ARHGAP42: variants seen among roughly 807,000 people sequenced by gnomAD.
ARHGAP42 encodes the protein rho GTPase-activating protein 42.
Under a neutral mutation model 125.0 loss-of-function variants are expected in ARHGAP42, and 63 were observed. That is an observed-to-expected ratio of 0.50 (90% CI 0.41 to 0.62). ARHGAP42 has a LOEUF of 0.62. Ranked by LOEUF, ARHGAP42 falls within the 20% of genes least tolerant of loss-of-function variation. The probability of loss-of-function intolerance (pLI) is 0.00; values close to 1 mark genes in which losing one functional copy is unlikely to be tolerated. For synonymous variants in ARHGAP42, 339 were observed against 351.0 expected (o/e 0.97, Z 0.38); for missense variants, 766 against 1,024.2 (o/e 0.75, Z 3.44).
intron 4 of ARHGAP42, among the ~76,000 whole-genome samples, chr11:100,872,082 C>T (rs1226042666): frequency 2.0e-5 from 3 of 152,180 alleles, no homozygotes; most frequent in African/African-American, 4.8e-5. Flanking sequence ...TCCTATTTAC[C>T]TAACTCTTGT....
intron 3 of ARHGAP42, among the ~76,000 whole-genome samples, chr11:100,805,199 G>A (rs989353965): frequency 3.9e-5 from 6 of 152,166 alleles, no homozygotes; most frequent in Non-Finnish European, 5.9e-5. Flanking sequence ...TAACTAATAC[G>A]TGGTACCGCA....
intron 17 of ARHGAP42, among the ~76,000 whole-genome samples, chr11:100,968,679 A>T (rs1444831583): frequency 2.6e-5 from 4 of 152,064 alleles, no homozygotes; most frequent in African/African-American, 7.2e-5. Context: ...ACCATTTTTT[A>T]ACCTTTTCAT....
chr11:100,723,844 G>A (rs1156511416), intron 1 of ARHGAP42, among the ~76,000 whole-genome samples: 1 of 152,088 alleles, frequency 6.6e-6, no homozygotes, highest in Non-Finnish European at 1.5e-5. Context: ...ATCTTATGGA[G>A]AAAGCATCTA....
intron 4 of ARHGAP42, among the ~76,000 whole-genome samples, chr11:100,906,868 C>T (rs766306849): frequency 2.0e-5 from 3 of 152,182 alleles, no homozygotes; most frequent in Non-Finnish European, 2.9e-5. Context: ...TGTAGCACTC[C>T]ATAGTACACA....
chr11:100,953,661 C>T lies in ARHGAP42; in HGVS notation c.1162+3705C>T, dbSNP rs568966547. 2.0e-5 allele frequency among the ~76,000 whole-genome samples: 3 copies of T among 152,174 alleles called. No homozygotes were observed. The East Asian group carries it at 5.8e-4, about 29-fold the overall frequency. On this transcript the variant is annotated intron_variant, in intron 12 of 23. Coordinates refer to ENST00000298815, the MANE Select transcript of ARHGAP42 (RefSeq NM_152432.4). ...GTATTAATAGTTACTCTTAATTTAC[C>T]ATTTTCAAAGTATGGATGCCATAAA...
At chr11:100,856,844 A>G (rs1865333197) in intron 3 of ARHGAP42, among the ~76,000 whole-genome samples, 1 of 152,080 alleles carries the variant, frequency 6.6e-6, no homozygotes, top group Admixed American at 6.6e-5. Context: ...AATCTATGCT[A>G]GTGATTTTTT....
chr11:100,815,070 G>T (rs566079137), intron 3 of ARHGAP42, among the ~76,000 whole-genome samples: 48 of 152,236 alleles, frequency 3.2e-4, no homozygotes, highest in African/African-American at 1.1e-3. Flanking sequence ...TTTCTTTATG[G>T]AACTTACTAT....
At chr11:100,729,854 A>T (rs1477226238) in intron 1 of ARHGAP42, among the ~76,000 whole-genome samples, 1 of 141,234 alleles carries the variant, frequency 7.1e-6, no homozygotes, top group Non-Finnish European at 1.5e-5. Flanking sequence ...TCTTGTTGCC[A>T]GGTTGGAGTG....
chr11:100,907,556 T>C (rs1591286185), intron 4 of ARHGAP42, among the ~76,000 whole-genome samples: 1 of 152,210 alleles, frequency 6.6e-6, no homozygotes, highest in South Asian at 2.1e-4. Context: ...TTAGGAGTTG[T>C]TGGGTGGAAT....
intron 4 of ARHGAP42, among the ~76,000 whole-genome samples, chr11:100,881,899 T>G (rs903914879): frequency 4.6e-5 from 7 of 152,158 alleles, no homozygotes; most frequent in Non-Finnish European, 8.8e-5. Context: ...AGTTCTTGAT[T>G]TGATTTTCAG....
At chr11:100,986,550 T>C (rs1005673987) in intron 22 of ARHGAP42, among the ~76,000 whole-genome samples, 4 of 152,182 alleles carry the variant, frequency 2.6e-5, no homozygotes, top group Non-Finnish European at 5.9e-5. Context: ...ATTTTAAAGC[T>C]GCCCTCTGGC....
chr11:100,963,985 A>G (rs1038550809), intron 16 of ARHGAP42, among the ~76,000 whole-genome samples: 9 of 151,976 alleles, frequency 5.9e-5, no homozygotes, highest in African/African-American at 7.2e-5. Flanking sequence ...TCTGTGGCAA[A>G]TGATGATTAT....
intron 3 of ARHGAP42, among the ~76,000 whole-genome samples, chr11:100,836,722 G>GTTTT (rs1864795745): frequency 8.8e-6 from 1 of 113,990 alleles, no homozygotes; most frequent in Non-Finnish European, 1.8e-5. Flanking sequence ...TTTTTTTGTT[G>GTTTT]TTGTTTTCTT....
At chr11:100,773,714 C>G (rs1407080580) in intron 2 of ARHGAP42, among the ~76,000 whole-genome samples, 2 of 152,206 alleles carry the variant, frequency 1.3e-5, no homozygotes, top group Non-Finnish European at 2.9e-5. Context: ...GTTTGTTTGA[C>G]TCTTTCCACT....
At chr11:100,952,980 A>C (rs1314197398) in intron 12 of ARHGAP42, among the ~76,000 whole-genome samples, 1 of 151,944 alleles carries the variant, frequency 6.6e-6, no homozygotes, top group Non-Finnish European at 1.5e-5. Flanking sequence ...TCCTCGGGTA[A>C]ATTTGTGTTT....
chr11:100,890,831 G>A (rs1263337164), intron 4 of ARHGAP42, among the ~76,000 whole-genome samples: 1 of 152,088 alleles, frequency 6.6e-6, no homozygotes, highest in East Asian at 1.9e-4. Flanking sequence ...TTATTATCAA[G>A]GATACTAGCT....
At chr11:100,790,585 C>T (rs932214043) in intron 2 of ARHGAP42, among the ~76,000 whole-genome samples, 4 of 152,154 alleles carry the variant, frequency 2.6e-5, no homozygotes, top group Non-Finnish European at 5.9e-5. Flanking sequence ...AACATAATTT[C>T]CCAAAGTGTC....
chr11:100,965,817 A>G (rs1240481388), intron 17 of ARHGAP42, 41 bp downstream of exon 17: 5 of 1,478,714 alleles, frequency 3.4e-6, no homozygotes, highest in Non-Finnish European at 3.7e-6. Context: ...CTTATTGTTC[A>G]TTGTTAAGTT....
intron 8 of ARHGAP42, among the ~76,000 whole-genome samples, chr11:100,938,835 T>C (rs1466403916): frequency 6.6e-6 from 1 of 152,218 alleles, no homozygotes; most frequent in Non-Finnish European, 1.5e-5. Context: ...CTAACCAGTT[T>C]ACTAAGATGT....
Sources: allele counts gnomAD v4.1 joint callset (sites outside exome capture counted in the v4.1 genomes callset), GRCh38; gene constraint gnomAD v4.1.1; transcripts MANE v1.5; gene names NCBI Gene and HGNC (gene_info 2026-07-23, HGNC 2026-07-21).